The following PDE1C variants were observed in gnomAD, a reference collection of about 807,000 sequenced individuals.
The protein encoded by PDE1C is phosphodiesterase 1C, also known as dual specificity calcium/calmodulin-dependent 3',5'-cyclic nucleotide phosphodiesterase 1C.
In PDE1C, 62 loss-of-function variants were observed where a neutral mutation model predicts 93.1. The ratio of observed to expected loss-of-function variants is 0.67; its 90% CI spans 0.54 to 0.82. PDE1C has a LOEUF of 0.82. PDE1C is among the 40% of genes least tolerant of loss of function. The probability of loss-of-function intolerance (pLI) is 0.00; values close to 1 mark genes in which losing one functional copy is unlikely to be tolerated. For synonymous variants in PDE1C, 325 were observed against 310.1 expected (o/e 1.05, Z -0.50); for missense variants, 742 against 884.6 (o/e 0.84, Z 2.04).
At chr7:31,943,719 T>C (rs1423040411) in intron 2 of PDE1C, among the ~76,000 whole-genome samples, 1 of 152,046 alleles carries the variant, frequency 6.6e-6, no homozygotes, top group African/African-American at 2.4e-5. Flanking sequence ...GGCATGTGAG[T>C]GAGGATCTCC....
In PDE1C at chr7:31,968,575, C is replaced by A. The variant is rs556253468; in HGVS notation, c.128+82979G>T. Among the ~76,000 whole-genome samples the A allele has an allele frequency of 4.5e-3, 683 of 152,198 alleles. 3 individuals carry two copies. The highest frequency in any genetic ancestry group is 0.016 in the African/African-American group (664 of 41,536). ...ATTCAATGCCATCCCCATCAAGCTA[C>A]CAATGACTTTCTTCACAGAATTGGA... On this transcript the variant is annotated intron_variant, in intron 2 of 17. Coordinates refer to ENST00000396191, the MANE Select transcript of PDE1C (RefSeq NM_001191057.4).
intron 2 of PDE1C, among the ~76,000 whole-genome samples, chr7:31,928,344 GT>G (rs1210807474): frequency 2.0e-5 from 3 of 152,166 alleles, no homozygotes; most frequent in African/African-American, 7.2e-5. Context: ...ATGGAACCAA[GT>G]TGGAAAACAC....
At chr7:32,105,404 G>A (rs867491683) in intron 3 of PDE1C, among the ~76,000 whole-genome samples, 40 of 151,202 alleles carry the variant, frequency 2.6e-4, no homozygotes, top group Middle Eastern at 6.8e-3. Context: ...GAGAAAGGTG[G>A]AAATGGAAAA....
intron 9 of PDE1C, among the ~76,000 whole-genome samples, chr7:31,844,625 G>T (rs1343952487): frequency 4.0e-5 from 6 of 151,636 alleles, no homozygotes; most frequent in Admixed American, 3.9e-4. Flanking sequence ...TCTTTTCATC[G>T]AATTTAACCT....
At chr7:31,873,189 CA>C (rs1440709727) in intron 6 of PDE1C, 102 bp downstream of exon 6, 1 of 686,868 alleles carries the variant, frequency 1.5e-6, no homozygotes, top group Non-Finnish European at 2.5e-6. Flanking sequence ...TCGCCTGGAG[CA>C]GTTTTCATTC....
At chr7:32,253,631 A>G (rs1809554159) in intron 1 of PDE1C, among the ~76,000 whole-genome samples, 1 of 152,254 alleles carries the variant, frequency 6.6e-6, no homozygotes, top group Admixed American at 6.5e-5. Flanking sequence ...AGGGAAAGCC[A>G]AGATGATTTC....
At chr7:32,124,164 C>T (rs1171380245) in intron 3 of PDE1C, among the ~76,000 whole-genome samples, 1 of 152,106 alleles carries the variant, frequency 6.6e-6, no homozygotes, top group Non-Finnish European at 1.5e-5. Context: ...TGGAGGACTT[C>T]TTCAAGGAGA....
the PDE1C span, chr7:31,695,484 A>T: frequency 6.2e-7 from 1 of 1,605,950 alleles, no homozygotes; most frequent in Non-Finnish European, 8.5e-7. Context: ...CTTTCAGACC[A>T]GTTCATTAAG....
intron 2 of PDE1C, among the ~76,000 whole-genome samples, chr7:32,011,294 G>GCCTCCCATTCTCCTGCCTCAGCCTC (rs1563190022): frequency 4.0e-5 from 6 of 151,824 alleles, no homozygotes; most frequent in African/African-American, 1.2e-4. Context: ...CCGGGTTCAC[G>GCCTCCCATTCTCCTGCCTCAGCCTC]CCATTCTCCT....
At chr7:32,076,320 T>A (rs1796352231), upstream of PDE1C, among the ~76,000 whole-genome samples, 1 of 152,098 alleles carries the variant, frequency 6.6e-6, no homozygotes, top group African/African-American at 2.4e-5. Context: ...GGTTATCTTT[T>A]CACCATGTGG....
the PDE1C span, among the ~76,000 whole-genome samples, chr7:31,642,002 C>A: frequency 6.6e-6 from 1 of 152,146 alleles, no homozygotes; most frequent in Non-Finnish European, 1.5e-5. Context: ...TTTAACTGAA[C>A]TCTCTGACAA....
chr7:32,112,342 G>A (rs1798686998), intron 3 of PDE1C, among the ~76,000 whole-genome samples: 1 of 150,866 alleles, frequency 6.6e-6, no homozygotes, highest in Non-Finnish European at 1.5e-5. Flanking sequence ...AATTTATTAT[G>A]TGAACGATAA....
At chr7:31,726,541 C>A in the PDE1C span, among the ~76,000 whole-genome samples, 1 of 152,180 alleles carries the variant, frequency 6.6e-6, no homozygotes, top group African/African-American at 2.4e-5. Context: ...CAGACAAGGC[C>A]ACTCTGTGTC....
At chr7:31,806,969 A>G (rs1786920074) in intron 16 of PDE1C, among the ~76,000 whole-genome samples, 1 of 151,946 alleles carries the variant, frequency 6.6e-6, no homozygotes, top group Non-Finnish European at 1.5e-5. Flanking sequence ...TGAAGTAGAG[A>G]GCTTTAATGA....
intron 3 of PDE1C, among the ~76,000 whole-genome samples, chr7:32,099,431 T>C (rs1189876506): frequency 1.3e-5 from 2 of 152,234 alleles, no homozygotes; most frequent in African/African-American, 4.8e-5. Context: ...TACTCCTCCG[T>C]GTTAATGTTG....
chr7:32,118,826 T>C (rs1799132223), intron 3 of PDE1C, among the ~76,000 whole-genome samples: 1 of 152,106 alleles, frequency 6.6e-6, no homozygotes, highest in Admixed American at 6.5e-5. Context: ...TCAACCTGAG[T>C]TTCAGATGGG....
chr7:31,738,107 C>T, the PDE1C span, among the ~76,000 whole-genome samples: 7 of 152,248 alleles, frequency 4.6e-5, no homozygotes, highest in South Asian at 4.2e-4. Context: ...GCTCAGTGTA[C>T]ACCTCCCTCC....
At chr7:32,354,892 C>T (rs772593746) in intron 1 of PDE1C, among the ~76,000 whole-genome samples, 65 of 152,222 alleles carry the variant, frequency 4.3e-4, no homozygotes, top group Non-Finnish European at 8.2e-4. Flanking sequence ...CCTGATGACT[C>T]TTTAAGCTTT....
At chr7:32,323,382 T>C (rs766886583) in intron 1 of PDE1C, among the ~76,000 whole-genome samples, 88 of 152,134 alleles carry the variant, frequency 5.8e-4, no homozygotes, top group Non-Finnish European at 1.0e-3. Flanking sequence ...AGACATACAA[T>C]TGGTCTCAAG....
Sources: gnomAD v4.1 joint callset for allele counts (sites outside exome capture counted in the v4.1 genomes callset) on GRCh38, gnomAD v4.1.1 for gene constraint, MANE v1.5 for transcripts, NCBI Gene and HGNC (gene_info 2026-07-23, HGNC 2026-07-21) for gene names.